The following LRRC43 variants were observed in gnomAD, a reference collection of about 807,000 sequenced individuals.
The protein encoded by LRRC43 is leucine-rich repeat-containing protein 43.
Under a neutral mutation model 64.3 loss-of-function variants are expected in LRRC43, and 62 were observed. The ratio of observed to expected loss-of-function variants is 0.96; its 90% confidence interval spans 0.79 to 1.19. The LOEUF is 1.19. Among genes scored for constraint, LRRC43 ranks in the 50% most tolerant of loss-of-function variants. LRRC43 has a pLI of 0.00. For missense variants in LRRC43, 868 were observed against 845.0 expected (o/e 1.03, Z -0.34); for synonymous variants, 422 against 382.3 (o/e 1.10, Z -1.21).
chr12:122,179,184 TCC>T (rs1953561674), upstream of LRRC43, among the ~76,000 whole-genome samples: 1 of 152,020 alleles, frequency 6.6e-6, no homozygotes, highest in Non-Finnish European at 1.5e-5. Context: ...AGCCTCAAAC[TCC>T]CAGGCTCAAG....
rs752003778 is a variant in LRRC43, at chr12:122,203,434, G to A, written c.1963G>A (p.Ala655Thr). Residue 655 changes from alanine to threonine, a missense_variant, in exon 12 of 12, where the codon GCC becomes ACC. Coordinates refer to ENST00000339777, the MANE Select transcript of LRRC43 (RefSeq NM_001098519.2). ...RSAEEALRMF[A>T]V ...GGCGGAGGAGGCTCTGCGCATGTTCGCCGTGTAGGGCGTGGGCAGTAAAGG... is the reference window on the plus strand; with the variant it reads ...GGCGGAGGAGGCTCTGCGCATGTTCACCGTGTAGGGCGTGGGCAGTAAAGG... 3.7e-6 allele frequency: 6 copies of A among 1,610,568 alleles called. No individual in the cohort carries two copies. The Admixed American group carries it at 8.3e-5, about 22-fold the overall frequency.
At chr12:122,195,699 T>A (rs1953767231) in intron 7 of LRRC43, among the ~76,000 whole-genome samples, 1 of 152,252 alleles carries the variant, frequency 6.6e-6, no homozygotes, top group East Asian at 1.9e-4. Context: ...GCATTTTTAC[T>A]ATGATGTCTC....
chr12:122,175,319 A>G (rs1953527950), intron 1 of LRRC43, among the ~76,000 whole-genome samples: 1 of 151,462 alleles, frequency 6.6e-6, no homozygotes, highest in African/African-American at 2.4e-5. Context: ...ACAGGCGCCC[A>G]CCACCACGCA....
At chr12:122,190,056 C>G in intron 4 of LRRC43, 74 bp from the exon 5 acceptor site, 2 of 1,214,208 alleles carry the variant, frequency 1.6e-6, no homozygotes, top group East Asian at 4.7e-5. Flanking sequence ...GCTCCCCGTC[C>G]GTTTTGGCCA....
chr12:122,171,437 C>G (rs1278753955), intron 1 of LRRC43, among the ~76,000 whole-genome samples: 1 of 152,228 alleles, frequency 6.6e-6, no homozygotes, highest in African/African-American at 2.4e-5. Context: ...TCCTAGCTCA[C>G]TGCAGCCTCG....
At chr12:122,183,979 G>A (rs1165443435) in intron 1 of LRRC43, among the ~76,000 whole-genome samples, 1 of 151,984 alleles carries the variant, frequency 6.6e-6, no homozygotes, top group African/African-American at 2.4e-5. Flanking sequence ...GACCTCAAGT[G>A]ATCCACCTGC....
rs1953822247 is a variant in LRRC43 at position 122,200,385 on chromosome 12, TC to T, written c.1491+57del. ...CCACAGGCTGCACTTCTGTCCTTGT[TC>T]CTGTTCCCATCGGGCTGTCCCCCAT... On this transcript the variant is annotated intron_variant, in intron 8 of 11. Transcript: ENST00000339777. This position sits in a 1 kb window ranked among gnomAD's most constrained non-coding sequence, Gnocchi z 4.6. 1 of 1,608,676 alleles carries T rather than the reference TC, an allele frequency of 6.2e-7. No homozygotes were observed. The highest frequency in any genetic ancestry group is 2.2e-5 in the East Asian group (1 of 44,846).
intron 1 of LRRC43, among the ~76,000 whole-genome samples, chr12:122,174,475 G>C (rs1953519508): frequency 6.6e-6 from 1 of 152,194 alleles, no homozygotes; most frequent in Non-Finnish European, 1.5e-5. Context: ...TTCTTGGAAG[G>C]AGCCTGTTGA....
intron 7 of LRRC43, among the ~76,000 whole-genome samples, chr12:122,193,559 G>A (rs1170217213): frequency 3.9e-5 from 6 of 151,930 alleles, no homozygotes; most frequent in Admixed American, 1.3e-4. Context: ...CAAGATTTTC[G>A]GAATGATTGA....
intron 1 of LRRC43, among the ~76,000 whole-genome samples, chr12:122,173,176 G>C (rs145936284): frequency 6.6e-6 from 1 of 151,848 alleles, no homozygotes; most frequent in Non-Finnish European, 1.5e-5. Flanking sequence ...AAGGAGTCCG[G>C]ACCACTCCCT....
chr12:122,170,009 G>A (rs539805824), intron 1 of LRRC43, among the ~76,000 whole-genome samples: 1 of 152,054 alleles, frequency 6.6e-6, no homozygotes, highest in Non-Finnish European at 1.5e-5. Context: ...ATTTCGCCAT[G>A]TTGCCCAGCC....
At chr12:122,173,939 A>C (rs1191458278) in intron 1 of LRRC43, 1 of 1,614,148 alleles carries the variant, frequency 6.2e-7, no homozygotes, top group African/African-American at 1.3e-5. Context: ...AACGTGTGGG[A>C]GGCCAGCCAG....
intron 11 of LRRC43, chr12:122,202,325 C>G (rs1295602929): frequency 6.6e-6 from 1 of 151,842 alleles, no homozygotes; most frequent in Non-Finnish European, 1.5e-5. Flanking sequence ...CAAAGAAAAT[C>G]CAACCTCAGG....
intron 1 of LRRC43, among the ~76,000 whole-genome samples, chr12:122,170,643 A>G (rs1953477232): frequency 6.6e-6 from 1 of 151,846 alleles, no homozygotes; most frequent in Non-Finnish European, 1.5e-5. Context: ...AAAAAAAACA[A>G]AAAAGCCTGC....
upstream of LRRC43, chr12:122,183,116 A>T: frequency 6.5e-7 from 1 of 1,526,996 alleles, no homozygotes; most frequent in African/African-American, 1.4e-5. Context: ...CACGCGTCCT[A>T]GCGGTTGCCG....
At position 122,190,301 on chromosome 12, in the gene LRRC43, C is replaced by A; in HGVS notation, c.834C>A (p.Cys278Ter). The A allele has an allele frequency of 6.2e-7, 1 of 1,614,138 alleles. No individual in the cohort carries two copies. The highest frequency in any genetic ancestry group is 8.5e-7 in the Non-Finnish European group (1 of 1,180,010). Residue 278 changes from cysteine to a stop codon, truncating the protein, a stop_gained, in exon 5 of 12, where the codon TGC (cysteine) becomes TGA (stop). Transcript: ENST00000339777. LOFTEE classifies it high-confidence loss of function. ...CCATCGACAGCCTGGCCCAGCTCTG[C>A]GTGCTGGACGACATCACCGTGTCTC... ...GLTIDSLAQL[C>*]VLDDITVSPN...
At chr12:122,188,592 C>T (rs1953675307) in intron 4 of LRRC43, among the ~76,000 whole-genome samples, 1 of 151,810 alleles carries the variant, frequency 6.6e-6, no homozygotes, top group Non-Finnish European at 1.5e-5. Flanking sequence ...AGGCACCCAC[C>T]ACCACACCTG....
chr12:122,200,976 C>G lies in LRRC43; in HGVS notation c.1809+42C>G. On this transcript the variant is annotated intron_variant, in intron 10 of 11. Coordinates refer to ENST00000339777, the MANE Select transcript of LRRC43 (RefSeq NM_001098519.2). This position sits in a 1 kb window ranked among gnomAD's most constrained non-coding sequence, Gnocchi z 4.6. Reference sequence around the variant, plus strand: ...GCCACATCCTCCACCTCTGCCTTCGCCCTCCCCATGGGAACCCCGCGGGCA... The same window carrying G: ...GCCACATCCTCCACCTCTGCCTTCGGCCTCCCCATGGGAACCCCGCGGGCA... The G allele has an allele frequency of 6.5e-7, 1 of 1,543,294 alleles. No individual in the cohort carries two copies. Among genetic ancestry groups the G allele is most frequent in the African/African-American group, 1.4e-5 (1 of 72,808 alleles).
intron 1 of LRRC43, among the ~76,000 whole-genome samples, chr12:122,175,818 C>A (rs1474142352): frequency 6.6e-6 from 1 of 152,024 alleles, no homozygotes; most frequent in Non-Finnish European, 1.5e-5. Flanking sequence ...AGGCACCCAC[C>A]ACCACGCCGG....
Sources: gnomAD v4.1 joint callset for allele counts (sites outside exome capture counted in the v4.1 genomes callset) on GRCh38, gnomAD v4.1.1 for gene constraint, Gnocchi (gnomAD v3.1) non-coding constraint, MANE v1.5 for transcripts, NCBI Gene and HGNC (gene_info 2026-07-23, HGNC 2026-07-21) for gene names.